Variants in MSH6 observed in about 807,000 individuals in gnomAD.
The protein encoded by MSH6 is mutS homolog 6.
MSH6 carries 85 observed loss-of-function variants against 119.1 expected under a neutral mutation model. That is an observed-to-expected ratio of 0.71 (90% CI 0.60 to 0.85). The LOEUF (loss-of-function observed/expected upper bound fraction) is 0.85. MSH6 is among the 40% of genes least tolerant of loss of function. The probability of loss-of-function intolerance (pLI) is 0.00; values close to 1 mark genes in which losing one functional copy is unlikely to be tolerated. For synonymous variants in MSH6, 830 were observed against 586.9 expected (o/e 1.41, Z -5.99); for missense variants, 2,163 against 1,655.3 (o/e 1.31, Z -5.32).
At chr2:47,787,450 C>G (rs144929198) in intron 1 of MSH6, among the ~76,000 whole-genome samples, 3 of 152,238 alleles carry the variant, frequency 2.0e-5, no homozygotes, top group East Asian at 1.9e-4. Flanking sequence ...AAAGCCATTA[C>G]TTATTATATC....
chr2:47,800,677 T>C lies in MSH6; in HGVS notation c.2694T>C (p.Pro898=), dbSNP rs769668106. 28 of 1,614,062 alleles carry C rather than the reference T, an allele frequency of 1.7e-5. No individual in the cohort carries two copies. Among genetic ancestry groups the C allele is most frequent in the Non-Finnish European group, 2.4e-5 (28 of 1,180,030 alleles). The part of the protein sequence containing the change: ...KQVISLQTKN[P]EGRFPDLTVE... ...TCATCTCTCTGCAGACAAAAAATCC[T>C]GAAGGTCGTTTTCCTGATTTGACTG... Residue 898 remains proline, a synonymous_variant, in exon 4 of 10, where the codon CCT becomes CCC. Coordinates refer to ENST00000234420, the MANE Select transcript of MSH6 (RefSeq NM_000179.3).
At chr2:47,795,790 A>T in intron 2 of MSH6, 104 bp from the exon 3 acceptor site, 1 of 942,494 alleles carries the variant, frequency 1.1e-6, no homozygotes, top group Non-Finnish European at 1.7e-6. Flanking sequence ...TTTAAGATAG[A>T]GATGGGGTTT....
At position 47,806,296 on chromosome 2, in the gene MSH6, A is replaced by G. The variant is rs769360577; in HGVS notation, c.3739A>G (p.Thr1247Ala). 8.1e-6 allele frequency: 13 copies of G among 1,614,080 alleles called. No homozygotes were observed. The highest frequency in any genetic ancestry group is 1.7e-5 in the Admixed American group (1 of 60,016). The change falls in exon 8 of 10, where the codon ACT becomes GCT. Residue 1247 changes from threonine (T) to alanine (A), a missense_variant. Physicochemically the swap from Thr to Ala is moderately conservative, Grantham distance 58. Coordinates refer to ENST00000234420, the MANE Select transcript of MSH6 (RefSeq NM_000179.3). ...TATAAAATGTCGTACATTATTTTCAACTCACTACCATTCATTAGTAGAAGA... is the reference window on the plus strand; with the variant it reads ...TATAAAATGTCGTACATTATTTTCAGCTCACTACCATTCATTAGTAGAAGA... ...ETIKCRTLFS[T>A]HYHSLVEDYS...
At position 47,783,300 on chromosome 2, in the gene MSH6, G is replaced by C. The variant is rs730881810; in HGVS notation, c.67G>C (p.Ala23Pro). The C allele has an allele frequency of 5.6e-6, 9 of 1,611,978 alleles. No homozygotes were observed. The highest frequency in any genetic ancestry group is 3.3e-4 in the Middle Eastern group (2 of 6,080). Residue 23 changes from alanine to proline, a missense_variant, in exon 1 of 10, where the codon GCC becomes CCC. Physicochemically the swap from Ala to Pro is conservative, Grantham distance 27. Coordinates refer to ENST00000234420, the MANE Select transcript of MSH6 (RefSeq NM_000179.3). ...TCCGGCGCTGAGTGATGCCAACAAG[G>C]CCTCGGCCAGGGCCTCACGCGAAGG... ...KSPALSDANK[A>P]SARASREGGR... is the part of the protein sequence containing the mutation.
chr2:47,800,638 A>C lies in MSH6; in HGVS notation c.2655A>C (p.Lys885Asn), dbSNP rs1553413977. 2.5e-6 allele frequency: 4 copies of C among 1,614,218 alleles called. No individual in the cohort carries two copies. Among genetic ancestry groups the C allele is most frequent in the Non-Finnish European group, 3.4e-6 (4 of 1,180,040 alleles). ...AAGTTGCTGATGGTTTTAAGTCTAA[A>C]ATCCTTAAGCAGGTCATCTCTCTGC... Reference protein sequence around the residue: ...MEEVADGFKSKILKQVISLQT... With the variant: ...MEEVADGFKSNILKQVISLQT... The change falls in exon 4 of 10, where the codon AAA becomes AAC. Residue 885 changes from lysine to asparagine, a missense_variant. Physicochemically the swap from Lys to Asn is moderately conservative, Grantham distance 94. Transcript: ENST00000234420.
At chr2:47,783,733 C>A in intron 1 of MSH6, 1 of 449,316 alleles carries the variant, frequency 2.2e-6, no homozygotes, top group Non-Finnish European at 3.6e-6. Context: ...GCAGGGGAGA[C>A]GCGGAGAGTT....
intron 5 of MSH6, 81 bp from the exon 6 acceptor site, chr2:47,804,829 C>T (rs183580632): frequency 1.2e-4 from 130 of 1,047,506 alleles, no homozygotes; most frequent in Non-Finnish European, 1.5e-4. Context: ...CTAGCTCTTA[C>T]GTAAGGGTTC....
At chr2:47,798,326 A>C (rs1669219916) in intron 3 of MSH6, among the ~76,000 whole-genome samples, 1 of 152,212 alleles carries the variant, frequency 6.6e-6, no homozygotes, top group African/African-American at 2.4e-5. Context: ...TGTTTAATAC[A>C]CCTACCCCAC....
rs1264762735 is a variant in MSH6 at position 47,799,464 on chromosome 2, C to T, written c.1481C>T (p.Ala494Val). Residue 494 changes from alanine (A) to valine (V), a missense_variant, in exon 4 of 10, where the codon GCA becomes GTA. Physicochemically the swap from Ala to Val is moderately conservative, Grantham distance 64 (BLOSUM62 0). Coordinates refer to ENST00000234420, the MANE Select transcript of MSH6 (RefSeq NM_000179.3). ...EQTETPEMME[A>V]RCRKMAHISK... The stretch of plus-strand genomic sequence containing the variant: ...ACTGAGACTCCAGAAATGATGGAGG[C>T]ACGATGTAGAAAGATGGCACATATA... 1.2e-6 allele frequency: 2 copies of T among 1,614,040 alleles called. No individual in the cohort carries two copies. The highest frequency in any genetic ancestry group is 1.1e-5 in the South Asian group (1 of 91,068).
At chr2:47,786,777 T>C (rs1668377376) in intron 1 of MSH6, among the ~76,000 whole-genome samples, 1 of 152,146 alleles carries the variant, frequency 6.6e-6, no homozygotes, top group Non-Finnish European at 1.5e-5. Context: ...TCTTTCACAA[T>C]GAGTTCTTTC....
intron 1 of MSH6, chr2:47,789,474 T>A (rs771056993): frequency 2.2e-6 from 1 of 455,954 alleles, no homozygotes; most frequent in Middle Eastern, 3.3e-4. Context: ...TTTTTTTAAT[T>A]GCTTGCTTAG....
chr2:47,785,992 A>C (rs1006627531), intron 1 of MSH6, among the ~76,000 whole-genome samples: 1 of 152,236 alleles, frequency 6.6e-6, no homozygotes, highest in African/African-American at 2.4e-5. Flanking sequence ...CACTCTGCCG[A>C]GCACAGCATT....
At position 47,803,462 on chromosome 2, in the gene MSH6, G is replaced by T. The variant is rs781243845; in HGVS notation, c.3215G>T (p.Gly1072Val). ...CLANYSRGGD[G>V]PMCRPVILLP... is the part of the protein sequence containing the mutation. ...GCTAACTATAGTCGAGGGGGTGATG[G>T]TCCTATGTGTCGCCCAGTAATTCTG... Residue 1072 changes from glycine (G) to valine (V), a missense_variant, in exon 5 of 10, where the codon GGT (glycine) becomes GTT (valine). Physicochemically the swap from Gly to Val is moderately radical, Grantham distance 109. Coordinates refer to ENST00000234420, the MANE Select transcript of MSH6 (RefSeq NM_000179.3). 1.2e-6 allele frequency: 2 copies of T among 1,614,036 alleles called. No homozygotes were observed. Among genetic ancestry groups the T allele is most frequent in the East Asian group, 4.5e-5 (2 of 44,876 alleles).
chr2:47,791,355 T>G (rs1175631326), intron 2 of MSH6, among the ~76,000 whole-genome samples: 1 of 152,220 alleles, frequency 6.6e-6, no homozygotes, highest in African/African-American at 2.4e-5. Flanking sequence ...TTGAGTGACT[T>G]ACAGCAATAT....
At chr2:47,805,510 C>A in intron 6 of MSH6, 108 bp from the exon 7 acceptor site, 1 of 825,672 alleles carries the variant, frequency 1.2e-6, no homozygotes, top group Non-Finnish European at 2.1e-6. Context: ...GAGATTTAAT[C>A]TTTTATACCA....
intron 2 of MSH6, among the ~76,000 whole-genome samples, chr2:47,795,132 C>T (rs773816830): frequency 3.3e-5 from 5 of 152,064 alleles, no homozygotes; most frequent in South Asian, 4.1e-4. Context: ...TCTTTTAAAT[C>T]GTCTGCCTCA....
At chr2:47,795,302 C>T (rs1397441953) in intron 2 of MSH6, among the ~76,000 whole-genome samples, 1 of 151,868 alleles carries the variant, frequency 6.6e-6, no homozygotes, top group Non-Finnish European at 1.5e-5. Context: ...TCCTTTTGTG[C>T]TTTATTGATC....
At chr2:47,806,139 G>A (rs1670024154) in intron 7 of MSH6, 65 bp from the exon 8 acceptor site, 1 of 1,226,948 alleles carries the variant, frequency 8.2e-7, no homozygotes, top group Non-Finnish European at 1.2e-6. Flanking sequence ...TAGCATTTTT[G>A]TTTTAATTCC....
chr2:47,788,921 TG>T (rs1435975502), intron 1 of MSH6, among the ~76,000 whole-genome samples: 741 of 50,630 alleles, frequency 0.015, 47 homozygotes, highest in East Asian at 0.019. Context: ...TTTTTTTTTT[TG>T]TTTTTTTTTT....
Sources: allele counts gnomAD v4.1 joint callset (sites outside exome capture counted in the v4.1 genomes callset), GRCh38; gene constraint gnomAD v4.1.1; transcripts MANE v1.5; gene names NCBI Gene and HGNC (gene_info 2026-07-23, HGNC 2026-07-21).